The following EXPH5 variants were observed in gnomAD, a reference collection of about 807,000 sequenced individuals.
EXPH5 encodes exophilin 5.
EXPH5 carries 42 observed loss-of-function variants against 41.1 expected under a neutral mutation model. The observed-to-expected ratio is 1.02, with a 90% CI of 0.80 to 1.32. The LOEUF (loss-of-function observed/expected upper bound fraction) is 1.32. EXPH5 is among the 40% of genes most tolerant of loss of function. The pLI is 0.00. For missense variants in EXPH5, 2,298 were observed against 2,314.5 expected (o/e 0.99, Z 0.15); for synonymous variants, 798 against 833.5 (o/e 0.96, Z 0.73).
intron 1 of EXPH5, among the ~76,000 whole-genome samples, chr11:108,562,878 G>A (rs1193591184): frequency 2.6e-5 from 4 of 152,198 alleles, no homozygotes; most frequent in Admixed American, 1.3e-4. Flanking sequence ...TGCTGTGTGT[G>A]TACATATGTT....
At chr11:108,566,280 T>G (rs956216541) in intron 1 of EXPH5, among the ~76,000 whole-genome samples, 1 of 152,150 alleles carries the variant, frequency 6.6e-6, no homozygotes, top group Non-Finnish European at 1.5e-5. Flanking sequence ...GAATCCATTA[T>G]TGTTCATCAT....
intron 3 of EXPH5, among the ~76,000 whole-genome samples, chr11:108,536,071 A>T (rs527307810): frequency 2.6e-5 from 4 of 152,356 alleles, no homozygotes; most frequent in African/African-American, 9.6e-5. Context: ...GGAAAGCTAC[A>T]TGTACATATG....
intron 1 of EXPH5, among the ~76,000 whole-genome samples, chr11:108,558,469 G>C (rs2093998949): frequency 6.6e-6 from 1 of 152,188 alleles, no homozygotes; most frequent in South Asian, 2.1e-4. Flanking sequence ...TGGTCAACAA[G>C]TCCATGTTTA....
chr11:108,545,620 A>G (rs963151124), intron 1 of EXPH5, among the ~76,000 whole-genome samples: 2 of 152,000 alleles, frequency 1.3e-5, no homozygotes, highest in Admixed American at 6.6e-5. Context: ...AAAAGTAAAT[A>G]AGGCTGAGTG....
At chr11:108,515,137 A>C (rs1184855841) in intron 5 of EXPH5, among the ~76,000 whole-genome samples, 1 of 152,144 alleles carries the variant, frequency 6.6e-6, no homozygotes, top group Non-Finnish European at 1.5e-5. Flanking sequence ...AAATTGAACT[A>C]TATTCTTCTA....
At chr11:108,518,443 C>G in intron 4 of EXPH5, 70 bp from the exon 5 acceptor site, 7 of 1,381,354 alleles carry the variant, frequency 5.1e-6, no homozygotes, top group Non-Finnish European at 7.1e-6. Flanking sequence ...CACGCTCCCA[C>G]CAAACTGTCC....
upstream of EXPH5, among the ~76,000 whole-genome samples, chr11:108,595,672 T>A (rs1044341055): frequency 5.3e-5 from 8 of 152,204 alleles, no homozygotes; most frequent in African/African-American, 1.9e-4. Flanking sequence ...ATACACAGTA[T>A]ATCTGAAGTA....
Position 108,511,657 on chromosome 11 carries a change from C to A in EXPH5, c.3850G>T (p.Val1284Leu). ...GCGTTAGGAAATGTTTCAGTCTCCA[C>A]TTGAGGTGATTCTATAAGTAAATTA... ...NTNLLIESPQ[V>L]ETETFPNALE... Residue 1284 changes from valine (V) to leucine (L), a missense_variant, in exon 6 of 6, where the codon GTG (valine) becomes TTG (leucine). By Grantham distance (32) the Val-to-Leu change is conservative (BLOSUM62 1). Coordinates refer to ENST00000265843, the MANE Select transcript of EXPH5 (RefSeq NM_015065.3). 11 of 1,606,024 alleles carry A rather than the reference C, an allele frequency of 6.8e-6. No homozygotes were observed. The highest frequency in any genetic ancestry group is 9.3e-6 in the Non-Finnish European group (11 of 1,177,812).
chr11:108,598,057 T>C (rs2094141155), upstream of EXPH5, among the ~76,000 whole-genome samples: 2 of 152,182 alleles, frequency 1.3e-5, no homozygotes, highest in Admixed American at 1.3e-4. Context: ...TGATAAGTGT[T>C]GTGAACCAAG....
At chr11:108,566,801 C>T (rs1289288818) in intron 1 of EXPH5, among the ~76,000 whole-genome samples, 3 of 152,170 alleles carry the variant, frequency 2.0e-5, no homozygotes, top group Non-Finnish European at 4.4e-5. Flanking sequence ...CTTCTGGAGG[C>T]TTCCTATGCT....
chr11:108,583,418 T>C (rs2094104450), intron 1 of EXPH5, among the ~76,000 whole-genome samples: 1 of 151,630 alleles, frequency 6.6e-6, no homozygotes, highest in Non-Finnish European at 1.5e-5. Context: ...CAATAGTCTA[T>C]AGAAGAAAAA....
In EXPH5 at chr11:108,512,670, T is replaced by C; in HGVS notation, c.2837A>G (p.Asn946Ser). The change falls in exon 6 of 6, where the codon AAT (asparagine) becomes AGT (serine). Residue 946 changes from asparagine to serine, a missense_variant. Physicochemically the swap from Asn to Ser is conservative, Grantham distance 46. Transcript: ENST00000265843. ...ATCATGTGTAGGCACAGGACTATCA[T>C]TTCTCTCTTGGTTTTCTGAGTGGCT... Reference protein sequence around the residue: ...IVSHSENQERNDSPVPTHDEV... With the variant: ...IVSHSENQERSDSPVPTHDEV... The C allele has an allele frequency of 6.2e-7, 1 of 1,614,180 alleles. No homozygotes were observed. Among genetic ancestry groups the C allele is most frequent in the Non-Finnish European group, 8.5e-7 (1 of 1,180,024 alleles).
intron 1 of EXPH5, among the ~76,000 whole-genome samples, chr11:108,581,064 T>C (rs927013919): frequency 4.4e-4 from 67 of 152,292 alleles, no homozygotes; most frequent in African/African-American, 1.5e-3. Context: ...CCCAGCACTT[T>C]GGGAGGCTGA....
intron 1 of EXPH5, among the ~76,000 whole-genome samples, chr11:108,555,781 C>T (rs565151878): frequency 4.4e-4 from 67 of 152,202 alleles, no homozygotes; most frequent in African/African-American, 1.5e-3. Context: ...TCTCTCCTGC[C>T]GCCATGTGAA....
At chr11:108,599,145 T>C in the EXPH5 span, among the ~76,000 whole-genome samples, 3 of 152,180 alleles carry the variant, frequency 2.0e-5, no homozygotes, top group African/African-American at 7.2e-5. Flanking sequence ...TTTCCAGATG[T>C]TACCTCTTCT....
intron 1 of EXPH5, among the ~76,000 whole-genome samples, chr11:108,590,856 TTGGTCAGGC>T (rs1423934071): frequency 6.6e-6 from 1 of 152,190 alleles, no homozygotes; most frequent in Non-Finnish European, 1.5e-5. Flanking sequence ...TCTCTCTGTG[TTGGTCAGGC>T]TGGTCTCAAA....
At chr11:108,556,456 TTTTTG>T (rs1413692071) in intron 1 of EXPH5, among the ~76,000 whole-genome samples, 2 of 152,048 alleles carry the variant, frequency 1.3e-5, no homozygotes, top group South Asian at 2.1e-4. Flanking sequence ...TCAATTTTAT[TTTTTG>T]TTTTGTTTTG....
chr11:108,536,342 C>T (rs565803319), intron 3 of EXPH5, among the ~76,000 whole-genome samples: 6 of 151,736 alleles, frequency 4.0e-5, no homozygotes, highest in Admixed American at 3.3e-4. Flanking sequence ...AGCGGCTCAC[C>T]GTACCCTCCA....
In EXPH5 at chr11:108,539,034, C is replaced by T; in HGVS notation, c.433G>A (p.Gly145Arg). The T allele has an allele frequency of 6.3e-7, 1 of 1,593,474 alleles. No individual in the cohort carries two copies. The stretch of plus-strand genomic sequence containing the variant: ...CTGAGTTTAACTCACCCTTTCTGTC[C>T]CAGTGATGGAAGCTTTGAAGTCTCC... ...GKETSKLPSLGQKGCDGHAGP... is the reference protein window; with the variant it reads ...GKETSKLPSLRQKGCDGHAGP... Residue 145 changes from glycine to arginine, a missense_variant, in exon 3 of 6, where the codon GGA becomes AGA. Coordinates refer to ENST00000265843, the MANE Select transcript of EXPH5 (RefSeq NM_015065.3).
Sources: allele counts gnomAD v4.1 joint callset (sites outside exome capture counted in the v4.1 genomes callset), GRCh38; gene constraint gnomAD v4.1.1; transcripts MANE v1.5; gene names NCBI Gene and HGNC (gene_info 2026-07-23, HGNC 2026-07-21).